SYNE2: variants seen among roughly 807,000 people sequenced by gnomAD.
SYNE2 encodes the protein nesprin-2.
In SYNE2, 431 loss-of-function variants were observed where a neutral mutation model predicts 856.3. The ratio of observed to expected loss-of-function variants is 0.50; its 90% confidence interval spans 0.47 to 0.55. SYNE2 has a LOEUF of 0.55. Among genes scored for constraint, SYNE2 ranks in the 20% least tolerant of loss-of-function variants. The pLI is 0.00. For missense variants in SYNE2, 8,129 were observed against 8,023.2 expected (o/e 1.01, Z -0.50); for synonymous variants, 2,923 against 2,872.3 (o/e 1.02, Z -0.56).
intron 108 of SYNE2, among the ~76,000 whole-genome samples, chr14:64,217,709 C>G (rs1388841193): frequency 6.6e-6 from 1 of 152,138 alleles, no homozygotes; most frequent in African/African-American, 2.4e-5. Context: ...TTTGTTGTGT[C>G]TGAAGCCAGA....
At chr14:63,868,441 C>T (rs1895996458) in intron 1 of SYNE2, among the ~76,000 whole-genome samples, 1 of 150,786 alleles carries the variant, frequency 6.6e-6, no homozygotes, top group African/African-American at 2.4e-5. Context: ...TGCCACTGCA[C>T]TCGAGCCTGG....
intron 32 of SYNE2, among the ~76,000 whole-genome samples, chr14:64,014,009 C>T (rs149144314): frequency 2.0e-5 from 3 of 152,150 alleles, no homozygotes; most frequent in South Asian, 4.2e-4. Context: ...CTTCCCTCCT[C>T]CTCCCACCCC....
intron 114 of SYNE2, 106 bp from the exon 115 acceptor site, chr14:64,224,893 A>G (rs2098711519): frequency 9.2e-7 from 1 of 1,091,226 alleles, no homozygotes; most frequent in Non-Finnish European, 1.4e-6. Context: ...TGGCTGTAAC[A>G]CAACATAAAG....
chr14:64,120,007 C>T (rs1326465588), intron 67 of SYNE2, among the ~76,000 whole-genome samples: 1 of 152,122 alleles, frequency 6.6e-6, no homozygotes, highest in Non-Finnish European at 1.5e-5. Flanking sequence ...AAACCTGTTT[C>T]CAGGATACTT....
At chr14:63,850,443 C>A (rs1040012518), upstream of SYNE2, among the ~76,000 whole-genome samples, 3 of 151,892 alleles carry the variant, frequency 2.0e-5, no homozygotes, top group Admixed American at 2.0e-4. Flanking sequence ...GAAGAGTGTA[C>A]GCATGGCCAG....
At chr14:64,146,996 G>A (rs772420162) in intron 84 of SYNE2, among the ~76,000 whole-genome samples, 6 of 152,146 alleles carry the variant, frequency 3.9e-5, no homozygotes, top group South Asian at 2.1e-4. Flanking sequence ...TCACCTGCTC[G>A]TATACTGTTC....
intron 6 of SYNE2, among the ~76,000 whole-genome samples, chr14:63,944,305 T>A (rs943934429): frequency 2.3e-5 from 3 of 129,718 alleles, no homozygotes; most frequent in African/African-American, 2.9e-5. Flanking sequence ...TATATATATA[T>A]ATAAATAAAT....
At position 63,986,553 on chromosome 14, in the gene SYNE2, A is replaced by G; in HGVS notation, c.2249A>G (p.Glu750Gly). Residue 750 changes from glutamate to glycine, a missense_variant, in exon 19 of 116, where the codon GAG becomes GGG. Glu to Gly is a moderately conservative substitution (Grantham distance 98). Coordinates refer to ENST00000555002, the MANE Select transcript of SYNE2 (RefSeq NM_182914.3). ...EKLIGQVEIW[E>G]AEAKSVLDQD... ...CTCATTGGACAAGTGGAAATCTGGG[A>G]GGCAGAAGCCAAATCTGTTTTGGAT... 1 of 1,614,176 alleles carries G rather than the reference A, an allele frequency of 6.2e-7. No individual in the cohort carries two copies. The highest frequency in any genetic ancestry group is 8.5e-7 in the Non-Finnish European group (1 of 1,180,012).
At chr14:64,131,378 A>G (rs2098018911) in intron 76 of SYNE2, among the ~76,000 whole-genome samples, 1 of 152,214 alleles carries the variant, frequency 6.6e-6, no homozygotes, top group Non-Finnish European at 1.5e-5. Context: ...AAATACAAAT[A>G]CAGGAAGCTT....
At chr14:63,890,790 G>A (rs1314506207) in intron 1 of SYNE2, among the ~76,000 whole-genome samples, 1 of 152,206 alleles carries the variant, frequency 6.6e-6, no homozygotes, top group African/African-American at 2.4e-5. Flanking sequence ...AAATCTTGAG[G>A]TTAGGAAGAT....
At chr14:63,912,488 C>G (rs890364629) in intron 2 of SYNE2, among the ~76,000 whole-genome samples, 2 of 152,164 alleles carry the variant, frequency 1.3e-5, no homozygotes, top group African/African-American at 4.8e-5. Flanking sequence ...TTAATGATCC[C>G]TGGGGTAATA....
At chr14:64,012,828 A>G (rs553361063) in intron 32 of SYNE2, among the ~76,000 whole-genome samples, 1 of 152,356 alleles carries the variant, frequency 6.6e-6, no homozygotes, top group East Asian at 1.9e-4. Flanking sequence ...CTTTCAGTTA[A>G]TTTTGTGATG....
intron 2 of SYNE2, among the ~76,000 whole-genome samples, chr14:63,913,163 G>A (rs1352174408): frequency 6.6e-6 from 1 of 152,090 alleles, no homozygotes; most frequent in African/African-American, 2.4e-5. Flanking sequence ...TTGAACTCCT[G>A]GACTCAAGTG....
At chr14:64,092,464 C>T (rs925503904) in intron 60 of SYNE2, among the ~76,000 whole-genome samples, 2 of 152,048 alleles carry the variant, frequency 1.3e-5, no homozygotes, top group African/African-American at 4.8e-5. Flanking sequence ...GTGGAGAGAA[C>T]GGGATGTAGT....
chr14:64,202,772 T>A, intron 99 of SYNE2, 29 bp from the exon 100 acceptor site: 1 of 1,613,910 alleles, frequency 6.2e-7, no homozygotes, highest in Non-Finnish European at 8.5e-7. Flanking sequence ...TTTTTTTGTT[T>A]CGTTTTGTTT....
At chr14:64,141,648 T>C in intron 81 of SYNE2, 125 bp downstream of exon 81, 1 of 1,087,262 alleles carries the variant, frequency 9.2e-7, no homozygotes, top group Non-Finnish European at 1.3e-6. Flanking sequence ...CACCACTGAA[T>C]ATAAGTCTTA....
rs1227509010 is a variant in SYNE2, at chr14:64,211,998, G to A, written c.18761G>A (p.Arg6254Lys). 6.2e-7 allele frequency: 1 copy of A among 1,614,198 alleles called. No homozygotes were observed. The highest frequency in any genetic ancestry group is 1.1e-5 in the South Asian group (1 of 91,080). Residue 6254 changes from arginine (R) to lysine (K), a missense_variant, in exon 104 of 116, where the codon AGG becomes AAG. Arg to Lys is a conservative substitution (Grantham distance 26). This residue lies in a region of SYNE2 where 5,410 missense variants were observed against 5,284.8 expected (regional missense o/e 1.02). Transcript: ENST00000555002. ...CAGAGGGAAGAATTTGAGGGCACCAGGGAGAGCATTCTGGTGTGGCTCACA... is the reference window on the plus strand; with the variant it reads ...CAGAGGGAAGAATTTGAGGGCACCAAGGAGAGCATTCTGGTGTGGCTCACA... ...TNQREEFEGT[R>K]ESILVWLTEM...
intron 1 of SYNE2, among the ~76,000 whole-genome samples, chr14:63,798,344 C>A (rs964991706): frequency 6.6e-6 from 1 of 151,478 alleles, no homozygotes; most frequent in African/African-American, 2.4e-5. Context: ...CCCTCTGCAT[C>A]TAGCTTTCTT....
intron 51 of SYNE2, among the ~76,000 whole-genome samples, chr14:64,067,162 TCTG>T (rs1354512684): frequency 6.6e-5 from 10 of 152,076 alleles, no homozygotes; most frequent in Admixed American, 6.6e-4. Context: ...TTTGACAAAA[TCTG>T]CTAACAAAAT....
Sources: gnomAD v4.1 joint callset for allele counts (sites outside exome capture counted in the v4.1 genomes callset) on GRCh38, gnomAD v4.1.1 for gene constraint, gnomAD v4.1.1 regional missense constraint, MANE v1.5 for transcripts, NCBI Gene and HGNC (gene_info 2026-07-23, HGNC 2026-07-21) for gene names.